The following SEMA3E variants were observed in gnomAD, a reference collection of about 807,000 sequenced individuals.
The protein encoded by SEMA3E is semaphorin 3E, also known as semaphorin-3E.
SEMA3E carries 49 observed loss-of-function variants against 93.6 expected under a neutral mutation model. The ratio of observed to expected loss-of-function variants is 0.52; its 90% confidence interval spans 0.42 to 0.66. The LOEUF (loss-of-function observed/expected upper bound fraction) is 0.66, where lower values mean the gene tolerates loss of function less well. Among genes scored for constraint, SEMA3E ranks in the 30% least tolerant of loss-of-function variants. The probability of loss-of-function intolerance (pLI) is 0.00; values close to 1 mark genes in which losing one functional copy is unlikely to be tolerated. For missense variants in SEMA3E, 906 were observed against 964.8 expected (o/e 0.94, Z 0.81); for synonymous variants, 363 against 330.7 (o/e 1.10, Z -1.06).
At position 83,363,982 on chromosome 7, in the gene SEMA3E, C is replaced by T. The variant is rs1188916984; in HGVS notation, c.*3604G>A. On this transcript the variant is annotated 3_prime_UTR_variant, in exon 17 of 17. Coordinates refer to ENST00000643230, the MANE Select transcript of SEMA3E (RefSeq NM_012431.3). ...CAATCTCGGCTCACTGCAAGCTCCG[C>T]TTCCCGGGTTCACGCCATTCTCCTG... 6.8e-6 allele frequency: 1 copy of T among 146,554 alleles called. No individual in the cohort carries two copies. Among genetic ancestry groups the T allele is most frequent in the African/African-American group, 2.6e-5 (1 of 39,078 alleles). The allele number at this position is 146,554 out of a possible 1,614,324, so 9.1% of individuals were successfully genotyped here.
chr7:83,479,370 A>G (rs1216043200), intron 2 of SEMA3E, among the ~76,000 whole-genome samples: 2 of 152,154 alleles, frequency 1.3e-5, no homozygotes, highest in Non-Finnish European at 2.9e-5. Flanking sequence ...TGGCACATGT[A>G]TATCTATCTA....
At chr7:83,515,932 C>T (rs1013538667) in intron 1 of SEMA3E, among the ~76,000 whole-genome samples, 1 of 152,130 alleles carries the variant, frequency 6.6e-6, no homozygotes, top group African/African-American at 2.4e-5. Context: ...GAGGCTGAGG[C>T]AGGAGAATCA....
At chr7:83,427,814 G>A (rs1012206403) in intron 4 of SEMA3E, among the ~76,000 whole-genome samples, 2 of 152,170 alleles carry the variant, frequency 1.3e-5, no homozygotes, top group Non-Finnish European at 2.9e-5. Flanking sequence ...CGCCTTTATG[G>A]TTCAAGCAAT....
At chr7:83,580,122 A>C (rs1345775637) in intron 1 of SEMA3E, among the ~76,000 whole-genome samples, 3 of 152,094 alleles carry the variant, frequency 2.0e-5, no homozygotes, top group African/African-American at 7.2e-5. Context: ...CTTTGATAAG[A>C]TAATGAAGTC....
intron 4 of SEMA3E, among the ~76,000 whole-genome samples, chr7:83,428,192 C>T (rs61007693): frequency 0.028 from 4,332 of 152,254 alleles, 229 homozygotes; most frequent in African/African-American, 0.098. Flanking sequence ...TGAGTCATTG[C>T]ACAGCAGGTG....
chr7:83,506,560 G>A (rs1359564359), intron 1 of SEMA3E, among the ~76,000 whole-genome samples: 1 of 151,754 alleles, frequency 6.6e-6, no homozygotes, highest in African/African-American at 2.4e-5. Flanking sequence ...GCACAGCATG[G>A]TTAAAAAAAC....
At chr7:83,446,623 A>C (rs1789236004) in intron 4 of SEMA3E, among the ~76,000 whole-genome samples, 1 of 152,240 alleles carries the variant, frequency 6.6e-6, no homozygotes, top group African/African-American at 2.4e-5. Context: ...GATGCTGCTT[A>C]GACACAATTG....
At chr7:83,619,220 G>A (rs188024723) in intron 1 of SEMA3E, among the ~76,000 whole-genome samples, 126 of 150,914 alleles carry the variant, frequency 8.3e-4, no homozygotes, top group African/African-American at 2.8e-3. Flanking sequence ...TATATTTTCC[G>A]GCCATTTTTC....
At position 83,490,588 on chromosome 7, in the gene SEMA3E, T is replaced by C. The variant is rs3801511; in HGVS notation, c.116-314A>G. Among the ~76,000 whole-genome samples, 19,050 of 152,040 alleles carry C rather than the reference T, an allele frequency of 0.13. 1,376 individuals are homozygous for C. The highest frequency in any genetic ancestry group is 0.21 in the East Asian group (1,108 of 5,166). ...ATTTTACAGCTCCTCTAATGTATAATGGTTCCAAATCTACATTAAACCCAC... is the reference window on the plus strand; with the variant it reads ...ATTTTACAGCTCCTCTAATGTATAACGGTTCCAAATCTACATTAAACCCAC... On this transcript the variant is annotated intron_variant, in intron 1 of 16. Transcript: ENST00000643230.
chr7:83,491,089 T>G (rs1332945636), intron 1 of SEMA3E, among the ~76,000 whole-genome samples: 1 of 152,066 alleles, frequency 6.6e-6, no homozygotes, highest in Admixed American at 6.6e-5. Context: ...GCTGACAAGT[T>G]AGAAGATAAC....
At chr7:83,587,516 T>C (rs1025948665) in intron 1 of SEMA3E, among the ~76,000 whole-genome samples, 3 of 152,104 alleles carry the variant, frequency 2.0e-5, no homozygotes, top group Non-Finnish European at 4.4e-5. Flanking sequence ...AGAGATTGCT[T>C]TCCTCTAAAA....
At position 83,385,367 on chromosome 7, in the gene SEMA3E, T is replaced by A; in HGVS notation, c.1802A>T (p.Glu601Val). The change falls in exon 16 of 17, where the codon GAA becomes GTA. Residue 601 changes from glutamate to valine, a missense_variant. By Grantham distance (121) the Glu-to-Val change is moderately radical. Transcript: ENST00000643230. ...YGIENNSTLL[E>V]CTPRSLQAKV... ...CGCTTGTAAAGATCGTGGGGTACATTCCAGCAAAGTACTGTTGTTCTCTAT... is the reference window on the plus strand; with the variant it reads ...CGCTTGTAAAGATCGTGGGGTACATACCAGCAAAGTACTGTTGTTCTCTAT... 3 of 1,613,596 alleles carry A rather than the reference T, an allele frequency of 1.9e-6. No individual in the cohort carries two copies. Among genetic ancestry groups the A allele is most frequent in the Non-Finnish European group, 2.5e-6 (3 of 1,179,644 alleles).
chr7:83,537,055 A>T (rs961009171), intron 1 of SEMA3E, among the ~76,000 whole-genome samples: 6 of 147,352 alleles, frequency 4.1e-5, no homozygotes, highest in Admixed American at 2.0e-4. Context: ...TCTCTCTCTC[A>T]CTCTCTCTCT....
intron 5 of SEMA3E, among the ~76,000 whole-genome samples, chr7:83,410,726 T>A (rs1030254943): frequency 2.0e-5 from 3 of 152,096 alleles, no homozygotes; most frequent in Non-Finnish European, 4.4e-5. Flanking sequence ...AAAAGGACTT[T>A]GGAATCATCA....
chr7:83,505,124 A>T (rs1008899411), intron 1 of SEMA3E, among the ~76,000 whole-genome samples: 6 of 152,194 alleles, frequency 3.9e-5, no homozygotes. Flanking sequence ...TTTTATGCAC[A>T]TATCAAATAA....
At chr7:83,582,378 G>A (rs553911105) in intron 1 of SEMA3E, among the ~76,000 whole-genome samples, 71 of 151,818 alleles carry the variant, frequency 4.7e-4, no homozygotes, top group African/African-American at 1.4e-3. Context: ...AATAAACAAT[G>A]GAATTTGAAA....
intron 1 of SEMA3E, among the ~76,000 whole-genome samples, chr7:83,574,132 TCCTGAAGGA>T (rs1310232815): frequency 3.3e-5 from 5 of 152,052 alleles, no homozygotes; most frequent in African/African-American, 1.2e-4. Context: ...GCAAACCAAA[TCCTGAAGGA>T]TTTGCATTAA....
chr7:83,517,312 G>A (rs138097300), intron 1 of SEMA3E, among the ~76,000 whole-genome samples: 3 of 152,292 alleles, frequency 2.0e-5, no homozygotes, highest in East Asian at 3.9e-4. Flanking sequence ...CAGAGGAAGA[G>A]TAAGCAATGA....
intron 1 of SEMA3E, among the ~76,000 whole-genome samples, chr7:83,519,401 G>T (rs1791000077): frequency 6.6e-6 from 1 of 152,070 alleles, no homozygotes; most frequent in Non-Finnish European, 1.5e-5. Flanking sequence ...AGTTTACATT[G>T]TTTTAGCATG....
Sources: allele counts gnomAD v4.1 joint callset (sites outside exome capture counted in the v4.1 genomes callset), GRCh38; gene constraint gnomAD v4.1.1; transcripts MANE v1.5; gene names NCBI Gene and HGNC (gene_info 2026-07-23, HGNC 2026-07-21).